The following TTC19 variants were observed in gnomAD, a reference collection of about 807,000 sequenced individuals.
TTC19 encodes tetratricopeptide repeat domain 19.
Under a neutral mutation model 49.5 loss-of-function variants are expected in TTC19, and 38 were observed. The ratio of observed to expected loss-of-function variants is 0.77; its 90% confidence interval spans 0.59 to 1.01. TTC19 has a LOEUF of 1.01. TTC19 is among the 50% of genes least tolerant of loss of function. The pLI, the probability that TTC19 is intolerant of heterozygous loss-of-function variation, is 0.00. For missense variants in TTC19, 475 were observed against 477.7 expected (o/e 0.99, Z 0.05); for synonymous variants, 204 against 185.2 (o/e 1.10, Z -0.83).
chr17:16,010,382 C>T (rs12939167), intron 7 of TTC19, among the ~76,000 whole-genome samples: 1 of 151,322 alleles, frequency 6.6e-6, no homozygotes, highest in Non-Finnish European at 1.5e-5. Flanking sequence ...CCATGTTAGC[C>T]AGGATGGTCT....
At chr17:16,033,228 G>A (rs570244188), downstream of TTC19, among the ~76,000 whole-genome samples, 2 of 151,652 alleles carry the variant, frequency 1.3e-5, no homozygotes, top group Admixed American at 6.6e-5. Flanking sequence ...CCAGCTAGTC[G>A]GGAGGCTGAG....
At chr17:16,002,065 T>C (rs1479078569) in intron 3 of TTC19, 40 bp downstream of exon 3, 1 of 1,383,378 alleles carries the variant, frequency 7.2e-7, no homozygotes, top group African/African-American at 1.4e-5. Context: ...ATGAGGAAGG[T>C]TGGATGGGAG....
intron 8 of TTC19, among the ~76,000 whole-genome samples, chr17:16,026,010 G>A (rs1971543453): frequency 6.6e-6 from 1 of 152,126 alleles, no homozygotes; most frequent in African/African-American, 2.4e-5. Context: ...CAGTGGGGAA[G>A]TAGGTATGGA....
intron 2 of TTC19, chr17:16,039,346 A>T (rs1356784793): frequency 4.8e-6 from 6 of 1,256,000 alleles, no homozygotes; most frequent in Admixed American, 2.0e-5. Flanking sequence ...ACATAAATGA[A>T]ATGTCTTAGT....
At chr17:16,017,868 T>G (rs1971261925) in intron 7 of TTC19, among the ~76,000 whole-genome samples, 1 of 152,210 alleles carries the variant, frequency 6.6e-6, no homozygotes, top group African/African-American at 2.4e-5. Flanking sequence ...TCAGTTCCTC[T>G]TACAGGAACT....
chr17:16,023,136 T>TTATC (rs1469689760), intron 7 of TTC19, among the ~76,000 whole-genome samples: 1 of 152,212 alleles, frequency 6.6e-6, no homozygotes, highest in Non-Finnish European at 1.5e-5. Flanking sequence ...AATAGTACAT[T>TTATC]TATCTTTAGA....
chr17:16,034,387 G>A (rs923053599), downstream of TTC19, among the ~76,000 whole-genome samples: 3 of 151,990 alleles, frequency 2.0e-5, no homozygotes, highest in Non-Finnish European at 2.9e-5. Context: ...TCAGGAGTTC[G>A]AGACCAGCCT....
At chr17:16,032,387 G>A (rs773679915), downstream of TTC19, 4 of 1,614,152 alleles carry the variant, frequency 2.5e-6, no homozygotes, top group Non-Finnish European at 3.4e-6. Flanking sequence ...GTGAGGAGCT[G>A]CTTGGTTCAC....
At chr17:16,034,842 A>C in intron 2 of TTC19, 1 of 1,614,100 alleles carries the variant, frequency 6.2e-7, no homozygotes, top group Non-Finnish European at 8.5e-7. Flanking sequence ...TACAGAGGAG[A>C]CTGAAGAGGG....
chr17:16,042,479 A>G (rs1415442793), intron 2 of TTC19, among the ~76,000 whole-genome samples: 1 of 152,234 alleles, frequency 6.6e-6, no homozygotes, highest in Non-Finnish European at 1.5e-5. Context: ...GCAGTGTGGT[A>G]CTTGCTAAGG....
At chr17:16,033,683 TGTGATC>T (rs1246263400), downstream of TTC19, among the ~76,000 whole-genome samples, 2 of 152,224 alleles carry the variant, frequency 1.3e-5, no homozygotes, top group Non-Finnish European at 2.9e-5. Flanking sequence ...TTAAAGCTAC[TGTGATC>T]ATAGTTATTA....
chr17:16,025,270 T>A (rs2301652), intron 8 of TTC19, 99 bp downstream of exon 8: 3 of 1,249,900 alleles, frequency 2.4e-6, no homozygotes, highest in Non-Finnish European at 3.4e-6. Context: ...CAGCAGATGG[T>A]CCTAGATCCT....
At chr17:16,041,422 T>C (rs1245302239) in intron 2 of TTC19, 7 of 147,928 alleles carry the variant, frequency 4.7e-5, no homozygotes, top group African/African-American at 1.0e-4. Context: ...TTTTTTTTTT[T>C]CCTTTGAGAT....
chr17:16,005,783 A>T (rs1010073633), intron 6 of TTC19, among the ~76,000 whole-genome samples: 1 of 152,198 alleles, frequency 6.6e-6, no homozygotes, highest in African/African-American at 2.4e-5. Flanking sequence ...AACAGTTGGA[A>T]TCCTCACTGT....
At chr17:16,017,211 C>G (rs1005513265) in intron 7 of TTC19, among the ~76,000 whole-genome samples, 2 of 151,986 alleles carry the variant, frequency 1.3e-5, no homozygotes, top group African/African-American at 4.8e-5. Context: ...TTATAGAAGG[C>G]TATGGTTGGA....
At chr17:16,044,771 C>T in exon 3 of TTC19, 2 of 944,752 alleles carry the variant, frequency 2.1e-6, no homozygotes, top group Non-Finnish European at 3.4e-6. Context: ...TGCAATGGCC[C>T]TGGCCAATGT....
intron 7 of TTC19, among the ~76,000 whole-genome samples, chr17:16,016,596 C>T (rs141182014): frequency 0.016 from 1,802 of 114,148 alleles, 31 homozygotes; most frequent in African/African-American, 0.062. Context: ...CTTGCTTTGT[C>T]GCCCAGGCTG....
chr17:16,000,300 G>A, intron 2 of TTC19, 55 bp downstream of exon 2: 1 of 1,586,138 alleles, frequency 6.3e-7, no homozygotes. Flanking sequence ...TTGTGAGCGG[G>A]GTCTTGGCGT....
chr17:16,025,313 C>A, intron 8 of TTC19, 142 bp downstream of exon 8: 1 of 847,242 alleles, frequency 1.2e-6, no homozygotes, highest in Non-Finnish European at 1.9e-6. Context: ...TTTCTTATCA[C>A]CAGCACCCTC....
Sources: gnomAD v4.1 joint callset for allele counts (sites outside exome capture counted in the v4.1 genomes callset) on GRCh38, gnomAD v4.1.1 for gene constraint, MANE v1.5 for transcripts, NCBI Gene and HGNC (gene_info 2026-07-23, HGNC 2026-07-21) for gene names.